Variants in SLC75A1 observed in about 807,000 individuals in gnomAD.
The protein encoded by SLC75A1 is major facilitator superfamily domain containing 10.
chr4:2,931,601 T>G, the SLC75A1 span: 10 of 1,613,476 alleles, frequency 6.2e-6, no homozygotes, highest in Non-Finnish European at 7.6e-6. Flanking sequence ...CCGCCGGGCA[T>G]AGGCACCCTG....
chr4:2,932,691 C>T, the SLC75A1 span: 2 of 1,608,528 alleles, frequency 1.2e-6, no homozygotes, highest in East Asian at 2.2e-5. Flanking sequence ...CCCAATCAGC[C>T]TGGAGGCCAG....
the SLC75A1 span, chr4:2,933,152 G>GC: frequency 6.2e-7 from 1 of 1,613,662 alleles, no homozygotes; most frequent in Non-Finnish European, 8.5e-7. Context: ...GTCAGAGGTG[G>GC]CCCCAGTGAG....
At chr4:2,933,149 G>A in the SLC75A1 span, 1 of 1,613,714 alleles carries the variant, frequency 6.2e-7, no homozygotes, top group Non-Finnish European at 8.5e-7. Context: ...GCAGTCAGAG[G>A]TGGCCCCAGT....
the SLC75A1 span, chr4:2,931,695 G>A: frequency 1.9e-5 from 31 of 1,592,808 alleles, no homozygotes; most frequent in African/African-American, 5.4e-5. Flanking sequence ...CAGGGCACCC[G>A]GGGCAGGGCC....
chr4:2,932,879 G>T, the SLC75A1 span: 1 of 1,310,898 alleles, frequency 7.6e-7, no homozygotes. Context: ...GCATCTGAGG[G>T]CCACTTGCGT....
At chr4:2,933,668 G>T in the SLC75A1 span, 2 of 1,613,608 alleles carry the variant, frequency 1.2e-6, no homozygotes, top group South Asian at 2.2e-5. Context: ...GGGGTCCTAG[G>T]GGATGAGGAA....
At chr4:2,931,053 G>T in the SLC75A1 span, 1 of 1,607,588 alleles carries the variant, frequency 6.2e-7, no homozygotes. Flanking sequence ...ACCATCCCGC[G>T]CCCTCACCTG....
At chr4:2,932,393 G>A in the SLC75A1 span, 9 of 1,613,606 alleles carry the variant, frequency 5.6e-6, no homozygotes, top group Middle Eastern at 1.6e-4. Context: ...AGCAGAAGAT[G>A]AACAGCAGGT....
At chr4:2,931,776 G>A in the SLC75A1 span, 1 of 1,544,824 alleles carries the variant, frequency 6.5e-7, no homozygotes, top group Non-Finnish European at 8.8e-7. Context: ...CCCTGAAGCA[G>A]GGGCGTTATT....
chr4:2,932,354 T>G, the SLC75A1 span: 1 of 1,612,552 alleles, frequency 6.2e-7, no homozygotes, highest in Non-Finnish European at 8.5e-7. Context: ...GCCCTACCCG[T>G]TTCTCCAGGG....
the SLC75A1 span, chr4:2,932,166 C>A: frequency 6.3e-7 from 1 of 1,596,460 alleles, no homozygotes; most frequent in South Asian, 1.1e-5. Context: ...GTGGGGATGG[C>A]ATTGGAGAGC....
the SLC75A1 span, chr4:2,931,427 G>T: frequency 6.4e-7 from 1 of 1,556,842 alleles, no homozygotes; most frequent in African/African-American, 1.4e-5. Flanking sequence ...AACGTCCCCA[G>T]CCGATGAGGA....
the SLC75A1 span, chr4:2,932,247 C>A: frequency 6.5e-7 from 1 of 1,547,594 alleles, no homozygotes; most frequent in Non-Finnish European, 8.7e-7. Flanking sequence ...AAGAGAGCGG[C>A]CCAGCCTCCC....
chr4:2,934,021 C>A, the SLC75A1 span: 3 of 1,335,514 alleles, frequency 2.2e-6, no homozygotes, highest in East Asian at 2.5e-5. Context: ...CACCCGACAG[C>A]CGGCGAGCAC....
chr4:2,931,918 C>T, the SLC75A1 span: 27 of 1,609,836 alleles, frequency 1.7e-5, no homozygotes, highest in African/African-American at 1.1e-4. Context: ...TAGGCCCAGG[C>T]GGCGCAGGCT....
At chr4:2,931,563 C>T in the SLC75A1 span, 58 of 1,612,056 alleles carry the variant, frequency 3.6e-5, no homozygotes, top group South Asian at 7.7e-5. Context: ...ACCCGCTTCA[C>T]GGCAGCAACT....
chr4:2,932,649 G>T, the SLC75A1 span: 5 of 1,612,752 alleles, frequency 3.1e-6, no homozygotes, highest in Non-Finnish European at 4.2e-6. Context: ...AACGATGGCC[G>T]TGGAGAGGCT....
At chr4:2,932,317 C>G in the SLC75A1 span, 1 of 1,599,368 alleles carries the variant, frequency 6.3e-7, no homozygotes, top group Non-Finnish European at 8.5e-7. Context: ...AGCCTCCAGC[C>G]CCTAGGCCTG....
At chr4:2,932,530 C>A in the SLC75A1 span, 1 of 1,613,204 alleles carries the variant, frequency 6.2e-7, no homozygotes, top group Non-Finnish European at 8.5e-7. Context: ...AAAGACCACC[C>A]GAGCTGCACA....
Sources: allele counts gnomAD v4.1 joint callset, GRCh38; gene constraint gnomAD v4.1.1; transcripts MANE v1.5; gene names NCBI Gene and HGNC (gene_info 2026-07-23, HGNC 2026-07-21).